GPR35: variants seen among roughly 807,000 people sequenced by gnomAD.
GPR35 encodes KYNA receptor.
For synonymous variants in GPR35, 207 were observed against 198.4 expected (o/e 1.04, Z -0.36); for missense variants, 372 against 422.5 (o/e 0.88, Z 1.05).
intron 1 of GPR35, chr2:240,629,538 G>C (rs1382273728): frequency 6.0e-6 from 1 of 165,916 alleles, no homozygotes; most frequent in African/African-American, 2.4e-5. Flanking sequence ...GGGCTGACAG[G>C]TGCTGCTGCC....
chr2:240,613,561 C>G (rs781076181), intron 2 of GPR35, among the ~76,000 whole-genome samples: 1 of 152,054 alleles, frequency 6.6e-6, no homozygotes, highest in Admixed American at 6.5e-5. Context: ...CATGTGGACT[C>G]CAACCCTAAT....
intron 1 of GPR35, among the ~76,000 whole-genome samples, chr2:240,626,340 T>G (rs62186541): frequency 1.8e-3 from 8 of 4,454 alleles, no homozygotes; most frequent in Non-Finnish European, 3.1e-3. Flanking sequence ...GGTCTCAGAG[T>G]GGGGTGAGGC....
chr2:240,620,871 A>G (rs1428433979), upstream of GPR35, among the ~76,000 whole-genome samples: 1 of 152,184 alleles, frequency 6.6e-6, no homozygotes, highest in African/African-American at 2.4e-5. Flanking sequence ...TTATTATGGA[A>G]AACATCAAAT....
At position 240,630,036 on chromosome 2, in the gene GPR35, C is replaced by T. The variant is rs1038919478; in HGVS notation, c.84C>T (p.Gly28=). The part of the protein sequence containing the change: ...AIKLGFYAYL[G]VLLVLGLLLN... ...AGCTGGGCTTCTACGCCTACTTGGG[C>T]GTCCTGCTGGTGCTAGGCCTGCTGC... Residue 28 remains glycine (G), a synonymous_variant, in exon 2 of 2, where the codon GGC becomes GGT. Coordinates refer to ENST00000407714, the MANE Select transcript of GPR35 (RefSeq NM_005301.5). 8 of 1,612,782 alleles carry T rather than the reference C, an allele frequency of 5.0e-6. No individual in the cohort carries two copies. The highest frequency in any genetic ancestry group is 5.9e-6 in the Non-Finnish European group (7 of 1,179,926).
intron 2 of GPR35, among the ~76,000 whole-genome samples, chr2:240,615,830 C>T (rs1311597659): frequency 1.3e-5 from 2 of 152,240 alleles, no homozygotes; most frequent in African/African-American, 4.8e-5. Flanking sequence ...AGACTTTATT[C>T]AACGGAGGCT....
chr2:240,630,678 A>G lies in GPR35; in HGVS notation c.726A>G (p.Ala242=), dbSNP rs1057346816. 6.2e-7 allele frequency: 1 copy of G among 1,613,350 alleles called. No homozygotes were observed. The highest frequency in any genetic ancestry group is 8.5e-7 in the Non-Finnish European group (1 of 1,180,014). The change falls in exon 2 of 2, where the codon GCA becomes GCG. Residue 242 remains alanine, a synonymous_variant. Coordinates refer to ENST00000407714, the MANE Select transcript of GPR35 (RefSeq NM_005301.5). ...PLHVGLTVRL[A]VGWNACALLE... Reference sequence around the variant, plus strand: ...ACGTGGGGCTGACAGTGCGCCTCGCAGTGGGCTGGAACGCCTGTGCCCTCC... The same window carrying G: ...ACGTGGGGCTGACAGTGCGCCTCGCGGTGGGCTGGAACGCCTGTGCCCTCC...
At chr2:240,609,681 A>G (rs1180670308) in intron 2 of GPR35, among the ~76,000 whole-genome samples, 1 of 152,214 alleles carries the variant, frequency 6.6e-6, no homozygotes, top group Non-Finnish European at 1.5e-5. Context: ...AAAAGATTAT[A>G]TATTCTGCTG....
chr2:240,615,372 G>A (rs1575462240), intron 2 of GPR35, among the ~76,000 whole-genome samples: 1 of 152,218 alleles, frequency 6.6e-6, no homozygotes, highest in East Asian at 1.9e-4. Context: ...GGGCCAGTGA[G>A]GAAACCCCAT....
intron 2 of GPR35, among the ~76,000 whole-genome samples, chr2:240,614,700 G>T (rs1559433940): frequency 6.6e-6 from 1 of 152,228 alleles, no homozygotes; most frequent in African/African-American, 2.4e-5. Context: ...GACCGGGTAG[G>T]CGCAGTTGGC....
chr2:240,628,236 G>A (rs2043400148), intron 1 of GPR35: 1 of 152,358 alleles, frequency 6.6e-6, no homozygotes, highest in East Asian at 1.9e-4. Flanking sequence ...CCAACAGGAA[G>A]GGAAGATCCC....
chr2:240,632,011 G>A lies in GPR35; in HGVS notation c.*1129G>A, dbSNP rs1204658181. 6.6e-6 allele frequency among the ~76,000 whole-genome samples: 1 copy of A among 151,830 alleles called. No individual in the cohort carries two copies. Among genetic ancestry groups the A allele is most frequent in the African/African-American group, 2.4e-5 (1 of 41,250 alleles). Reference sequence around the variant, plus strand: ...CCCATGCCCAGGAGAGCCCCATAAGGGCTCTGTGCCTAAAAGGGTGCATGC... The same window carrying A: ...CCCATGCCCAGGAGAGCCCCATAAGAGCTCTGTGCCTAAAAGGGTGCATGC... On this transcript the variant is annotated 3_prime_UTR_variant, in exon 2 of 2. Coordinates refer to ENST00000407714, the MANE Select transcript of GPR35 (RefSeq NM_005301.5).
rs1040845382 is a variant in GPR35, at chr2:240,632,427, C to T, written c.*1545C>T. On this transcript the variant is annotated 3_prime_UTR_variant, in exon 2 of 2. Coordinates refer to ENST00000407714, the MANE Select transcript of GPR35 (RefSeq NM_005301.5). ...TAGGAGGGTTCATGCCCAGGAGTGT[C>T]CCTGCCTAGGAAGATCCATTACCAG... 1.3e-4 allele frequency among the ~76,000 whole-genome samples: 20 copies of T among 150,752 alleles called. No homozygotes were observed. Among genetic ancestry groups the T allele is most frequent in the African/African-American group, 4.9e-4 (20 of 40,856 alleles).
intron 2 of GPR35, among the ~76,000 whole-genome samples, chr2:240,616,226 C>T (rs967806413): frequency 3.3e-5 from 5 of 152,112 alleles, no homozygotes; most frequent in African/African-American, 1.2e-4. Flanking sequence ...CTATTGCAGT[C>T]GTGAATACAG....
Position 240,630,564 on chromosome 2 carries a change from C to T in GPR35, c.612C>T (p.Thr204=), listed in dbSNP as rs530284304. Residue 204 remains threonine (T), a synonymous_variant, in exon 2 of 2, where the codon ACC becomes ACT. Coordinates refer to ENST00000407714, the MANE Select transcript of GPR35 (RefSeq NM_005301.5). ...CTGCCCTGGCCCAGAGGCCACCCAC[C>T]GACGTGGGGCAGGCAGAGGCCACCC... is the stretch of plus-strand genomic sequence containing the variant. ...VVTALAQRPP[T]DVGQAEATRK... 2.6e-5 allele frequency: 42 copies of T among 1,612,792 alleles called. No individual in the cohort carries two copies. The South Asian group carries it at 3.2e-4, about 12-fold the overall frequency.
intron 2 of GPR35, among the ~76,000 whole-genome samples, chr2:240,614,551 G>A (rs148920132): frequency 1.6e-4 from 24 of 152,330 alleles, no homozygotes; most frequent in African/African-American, 4.3e-4. Context: ...CACCTGAGCC[G>A]TTGGAACAGG....
chr2:240,615,223 G>A (rs978458650), intron 2 of GPR35, among the ~76,000 whole-genome samples: 17 of 152,150 alleles, frequency 1.1e-4, no homozygotes, highest in East Asian at 3.9e-4. Context: ...CAGGGCTCAC[G>A]AGGCCCCAGC....
At chr2:240,627,055 C>T (rs2043386761) in intron 1 of GPR35, among the ~76,000 whole-genome samples, 1 of 152,322 alleles carries the variant, frequency 6.6e-6, no homozygotes, top group South Asian at 2.1e-4. Flanking sequence ...CCCAAAGCCT[C>T]CTGGGCAGGA....
intron 2 of GPR35, among the ~76,000 whole-genome samples, chr2:240,613,967 C>A (rs2043213264): frequency 1.3e-5 from 2 of 152,024 alleles, no homozygotes; most frequent in South Asian, 2.1e-4. Context: ...CAACCCAAAC[C>A]TTAACCCTAA....
Position 240,630,532 on chromosome 2 carries a change from G to T in GPR35, c.580G>T (p.Val194Leu). The change falls in exon 2 of 2, where the codon GTG becomes TTG. Residue 194 changes from valine (V) to leucine (L), a missense_variant. Transcript: ENST00000407714. ...LAVVVFCSLK[V>L]VTALAQRPPT... ...CGTGGTGGTCTTCTGCTCCCTGAAG[G>T]TGGTGACTGCCCTGGCCCAGAGGCC... The T allele has an allele frequency of 6.2e-7, 1 of 1,612,928 alleles. No homozygotes were observed. Among genetic ancestry groups the T allele is most frequent in the Non-Finnish European group, 8.5e-7 (1 of 1,179,946 alleles).
Sources: allele counts gnomAD v4.1 joint callset (sites outside exome capture counted in the v4.1 genomes callset), GRCh38; gene constraint gnomAD v4.1.1; transcripts MANE v1.5; gene names NCBI Gene and HGNC (gene_info 2026-07-23, HGNC 2026-07-21).